Variants in FRYL observed in about 807,000 individuals in gnomAD.
The protein encoded by FRYL is FRY like transcription coactivator.
A neutral mutation model predicts 351.2 loss-of-function variants in FRYL; 150 were observed. The observed-to-expected ratio is 0.43, with a 90% CI of 0.37 to 0.49. The LOEUF (loss-of-function observed/expected upper bound fraction) is 0.49, where lower values mean the gene tolerates loss of function less well. FRYL is among the 20% of genes least tolerant of loss of function. The probability of loss-of-function intolerance (pLI) is 0.00; values close to 1 mark genes in which losing one functional copy is unlikely to be tolerated. For synonymous variants in FRYL, 1,153 were observed against 1,257.1 expected (o/e 0.92, Z 1.75); for missense variants, 3,036 against 3,619.3 (o/e 0.84, Z 4.13).
At chr4:48,697,155 AT>A (rs1457962045) in intron 2 of FRYL, among the ~76,000 whole-genome samples, 1 of 152,108 alleles carries the variant, frequency 6.6e-6, no homozygotes, top group Non-Finnish European at 1.5e-5. Context: ...CAATTCCTAT[AT>A]TTTTATATAC....
chr4:48,646,327 G>A (rs912254660), intron 3 of FRYL, among the ~76,000 whole-genome samples: 1 of 152,086 alleles, frequency 6.6e-6, no homozygotes, highest in Non-Finnish European at 1.5e-5. Context: ...AATTCTCTTC[G>A]ACAGCCTTCC....
chr4:48,693,848 C>T (rs1020790444), intron 2 of FRYL, among the ~76,000 whole-genome samples: 8 of 152,110 alleles, frequency 5.3e-5, no homozygotes, highest in Non-Finnish European at 1.0e-4. Context: ...TCTGTATGTG[C>T]CCACATGAAT....
At chr4:48,779,320 C>A (rs2109455563) in intron 1 of FRYL, among the ~76,000 whole-genome samples, 1 of 152,336 alleles carries the variant, frequency 6.6e-6, no homozygotes, top group South Asian at 2.1e-4. Context: ...CAGGCCGAGT[C>A]AGCTCGCGGG....
rs558493849 is a variant in FRYL at position 48,713,629 on chromosome 4, G to C, written c.-383-2931C>G. Among the ~76,000 whole-genome samples the C allele has an allele frequency of 4.6e-5, 7 of 152,128 alleles. No homozygotes were observed. The South Asian group carries it at 1.2e-3, about 27-fold the overall frequency. On this transcript the variant is annotated intron_variant, in intron 1 of 63. Coordinates refer to ENST00000358350, the MANE Select transcript of FRYL (RefSeq NM_015030.2). ...CACCCAGATTCATAAAGCAAGTCCT[G>C]AGTGACCTACAAAGAGACTTAGACT...
intron 63 of FRYL, 98 bp downstream of exon 63, chr4:48,499,932 A>G: frequency 1.1e-6 from 1 of 918,070 alleles, no homozygotes; most frequent in Non-Finnish European, 1.7e-6. Context: ...TTTCACAAAG[A>G]CATGATATGG....
intron 1 of FRYL, among the ~76,000 whole-genome samples, chr4:48,775,536 G>A (rs73150228): frequency 0.013 from 1,976 of 152,270 alleles, 47 homozygotes; most frequent in African/African-American, 0.046. Context: ...AAAGAAGGAC[G>A]TGGAACAACA....
At chr4:48,643,528 AG>A (rs1755733587) in intron 3 of FRYL, among the ~76,000 whole-genome samples, 2 of 152,250 alleles carry the variant, frequency 1.3e-5, no homozygotes, top group African/African-American at 4.8e-5. Context: ...AAACATCAGC[AG>A]CAAATAATAT....
At chr4:48,717,534 C>G (rs1466860888) in intron 1 of FRYL, among the ~76,000 whole-genome samples, 5 of 151,254 alleles carry the variant, frequency 3.3e-5, no homozygotes, top group Non-Finnish European at 7.4e-5. Flanking sequence ...ATAAAAAAGG[C>G]TCTAATTGTA....
intron 60 of FRYL, among the ~76,000 whole-genome samples, chr4:48,503,144 C>G (rs1033662226): frequency 1.3e-5 from 2 of 151,392 alleles, no homozygotes; most frequent in Non-Finnish European, 2.9e-5. Flanking sequence ...CTTGGTAAAT[C>G]TGGCTATCCA....
rs1208946827 is a variant in FRYL, at chr4:48,547,710, A to G, written c.4948T>C (p.Leu1650=). The G allele has an allele frequency of 3.7e-6, 6 of 1,600,844 alleles. No homozygotes were observed. The highest frequency in any genetic ancestry group is 1.7e-5 in the Admixed American group (1 of 59,832). The change falls in exon 41 of 64, where the codon TTA becomes CTA. Residue 1650 remains leucine (L), a synonymous_variant. Transcript: ENST00000358350. ...TTACTATTGGGTCCCATTACTATTA[A>G]TAAGTGCAGAAGCAGGCGTTTACAA... ...EHCKRLLLHL[L]IVMGPNSNIR...
intron 1 of FRYL, among the ~76,000 whole-genome samples, chr4:48,774,545 A>G (rs1159126096): frequency 6.6e-6 from 1 of 151,794 alleles, no homozygotes; most frequent in African/African-American, 2.4e-5. Flanking sequence ...TAATACAAAT[A>G]ATTTTTTTTT....
At chr4:48,616,854 A>G (rs1749571986) in intron 7 of FRYL, among the ~76,000 whole-genome samples, 1 of 152,206 alleles carries the variant, frequency 6.6e-6, no homozygotes, top group Admixed American at 6.5e-5. Context: ...GCAAAAGTAA[A>G]AGTCCTATTA....
intron 22 of FRYL, chr4:48,580,450 G>A (rs1320659960): frequency 1.2e-5 from 2 of 171,588 alleles, no homozygotes; most frequent in Non-Finnish European, 1.2e-5. Context: ...AAACTTATGT[G>A]ATACACAAAA....
intron 26 of FRYL, among the ~76,000 whole-genome samples, chr4:48,572,771 G>T (rs1209012070): frequency 6.6e-6 from 1 of 152,066 alleles, no homozygotes; most frequent in Non-Finnish European, 1.5e-5. Context: ...ACATCCCATG[G>T]GCCAAATCTG....
chr4:48,547,008 T>C (rs1370748999), intron 41 of FRYL, among the ~76,000 whole-genome samples: 1 of 152,010 alleles, frequency 6.6e-6, no homozygotes, highest in Admixed American at 6.5e-5. Context: ...ATTGCAATTT[T>C]GAAAAAAAAG....
intron 26 of FRYL, chr4:48,571,629 C>A: frequency 2.0e-6 from 2 of 984,684 alleles, no homozygotes; most frequent in Non-Finnish European, 2.4e-6. Flanking sequence ...TTGTCCATGA[C>A]CCAATTTTTC....
chr4:48,544,126 T>A, intron 43 of FRYL, 129 bp from the exon 44 acceptor site: 2 of 726,448 alleles, frequency 2.8e-6, no homozygotes, highest in Non-Finnish European at 4.5e-6. Flanking sequence ...TATAAGTCAA[T>A]GCTTTTTCTT....
At chr4:48,535,483 C>T (rs532656694) in intron 48 of FRYL, among the ~76,000 whole-genome samples, 174 bp downstream of exon 48, 7 of 151,902 alleles carry the variant, frequency 4.6e-5, no homozygotes, top group African/African-American at 1.7e-4. Context: ...GACTGTCAGA[C>T]AATTTGAATA....
At chr4:48,712,402 C>T (rs545540869) in intron 1 of FRYL, among the ~76,000 whole-genome samples, 9 of 152,090 alleles carry the variant, frequency 5.9e-5, no homozygotes, top group East Asian at 5.8e-4. Context: ...AGCCAAGGCT[C>T]GAGAACTACA....
Sources: allele counts gnomAD v4.1 joint callset (sites outside exome capture counted in the v4.1 genomes callset), GRCh38; gene constraint gnomAD v4.1.1; transcripts MANE v1.5; gene names NCBI Gene and HGNC (gene_info 2026-07-23, HGNC 2026-07-21).